The following PTPRT variants were observed in gnomAD, a reference collection of about 807,000 sequenced individuals.
PTPRT encodes receptor-type tyrosine-protein phosphatase T.
In PTPRT, 56 loss-of-function variants were observed where a neutral mutation model predicts 176.8. That is an observed-to-expected ratio of 0.32 (90% CI 0.26 to 0.40). The LOEUF (loss-of-function observed/expected upper bound fraction) is 0.40. PTPRT is among the 10% of genes least tolerant of loss of function. The pLI is 1.00. For missense variants in PTPRT, 1,540 were observed against 1,908.2 expected, an observed-to-expected ratio of 0.81 and a Z score of 3.60; for synonymous variants, 783 against 739.0, an observed-to-expected ratio of 1.06 and a Z score of -0.96.
At chr20:42,177,423 A>G (rs1029953483) in intron 16 of PTPRT, among the ~76,000 whole-genome samples, 2 of 152,312 alleles carry the variant, frequency 1.3e-5, no homozygotes, top group East Asian at 1.9e-4. Flanking sequence ...CAACCAAAAA[A>G]TGCAACTAAT....
intron 1 of PTPRT, among the ~76,000 whole-genome samples, chr20:43,098,107 G>C (rs534313435): frequency 6.6e-6 from 1 of 152,122 alleles, no homozygotes; most frequent in African/African-American, 2.4e-5. Context: ...AGAGCCAGCC[G>C]GCCCAGCCAT....
intron 28 of PTPRT, 76 bp from the exon 29 acceptor site, chr20:42,084,921 C>T (rs1600468325): frequency 1.6e-6 from 2 of 1,258,466 alleles, no homozygotes; most frequent in East Asian, 5.6e-5. Context: ...ACCCCGGGGA[C>T]TGCAGCATCA....
intron 1 of PTPRT, among the ~76,000 whole-genome samples, chr20:43,111,830 C>T (rs747532141): frequency 6.6e-6 from 1 of 152,154 alleles, no homozygotes; most frequent in African/African-American, 2.4e-5. Context: ...CTGGAGTGGG[C>T]AAGTCAGCTT....
At chr20:42,446,045 GA>G (rs1178710183) in intron 9 of PTPRT, among the ~76,000 whole-genome samples, 3 of 152,208 alleles carry the variant, frequency 2.0e-5, no homozygotes, top group Admixed American at 6.5e-5. Context: ...TCTACTAGAG[GA>G]AAAAGTGTAT....
chr20:42,673,409 G>A (rs1028566019), intron 7 of PTPRT, among the ~76,000 whole-genome samples: 4 of 152,156 alleles, frequency 2.6e-5, no homozygotes, highest in East Asian at 3.9e-4. Context: ...TTATTACGTC[G>A]GGGGACAGGT....
At chr20:42,242,103 C>G (rs1194566037) in intron 14 of PTPRT, among the ~76,000 whole-genome samples, 5 of 152,132 alleles carry the variant, frequency 3.3e-5, no homozygotes, top group African/African-American at 1.2e-4. Context: ...GATTGTCTAC[C>G]CAGAAACAAA....
chr20:43,002,907 A>C (rs2146133429), intron 1 of PTPRT, among the ~76,000 whole-genome samples: 1 of 99,592 alleles, frequency 1.0e-5, no homozygotes, highest in South Asian at 2.5e-4. Context: ...CATCAGAATA[A>C]ATAAATCTAA....
chr20:42,172,492 T>C (rs1450227738), intron 16 of PTPRT, among the ~76,000 whole-genome samples: 1 of 152,220 alleles, frequency 6.6e-6, no homozygotes, highest in Non-Finnish European at 1.5e-5. Context: ...CAGGGTCAGC[T>C]GGTAAACACC....
At chr20:42,264,279 C>T (rs2056802362) in intron 13 of PTPRT, among the ~76,000 whole-genome samples, 1 of 152,172 alleles carries the variant, frequency 6.6e-6, no homozygotes, top group African/African-American at 2.4e-5. Context: ...GATGTGACAA[C>T]CCTCTTCTGC....
At chr20:42,351,958 G>A in intron 10 of PTPRT, 126 bp downstream of exon 10, 2 of 815,390 alleles carry the variant, frequency 2.5e-6, no homozygotes, top group Non-Finnish European at 2.0e-6. Flanking sequence ...AACTCACTAG[G>A]GACTGGATCG....
chr20:42,926,246 G>A, intron 1 of PTPRT, among the ~76,000 whole-genome samples: 1 of 152,118 alleles, frequency 6.6e-6, no homozygotes. Flanking sequence ...TTGCTCTGAT[G>A]TCAAGCCTCC....
intron 3 of PTPRT, among the ~76,000 whole-genome samples, chr20:42,788,746 G>A (rs544088134): frequency 6.6e-6 from 1 of 152,344 alleles, no homozygotes; most frequent in South Asian, 2.1e-4. Context: ...AGCAATGGAG[G>A]ATGAGAATGA....
intron 15 of PTPRT, among the ~76,000 whole-genome samples, chr20:42,233,702 G>A (rs1293908897): frequency 6.6e-6 from 1 of 152,164 alleles, no homozygotes; most frequent in Non-Finnish European, 1.5e-5. Flanking sequence ...ATAGAAGGCA[G>A]GCTATTTGCA....
At chr20:42,422,426 C>A (rs564234179) in intron 9 of PTPRT, among the ~76,000 whole-genome samples, 4 of 152,066 alleles carry the variant, frequency 2.6e-5, no homozygotes, top group African/African-American at 9.7e-5. Flanking sequence ...AGACAACAGG[C>A]GGCAAACAAA....
chr20:42,871,188 G>A (rs1043251211), intron 2 of PTPRT, among the ~76,000 whole-genome samples: 2 of 151,830 alleles, frequency 1.3e-5, no homozygotes, highest in Admixed American at 1.3e-4. Context: ...CTGACCTCAG[G>A]TGATCTGCCC....
intron 7 of PTPRT, among the ~76,000 whole-genome samples, chr20:42,645,310 T>G (rs1017349303): frequency 1.3e-5 from 2 of 152,134 alleles, no homozygotes; most frequent in Admixed American, 1.3e-4. Flanking sequence ...AAGTTAACAC[T>G]CCATGAGCGA....
chr20:43,017,887 G>A (rs1351257938), intron 1 of PTPRT, among the ~76,000 whole-genome samples: 1 of 152,238 alleles, frequency 6.6e-6, no homozygotes, highest in East Asian at 1.9e-4. Flanking sequence ...GCAGGAGCTG[G>A]AGGTGCTGCA....
At chr20:42,279,981 G>A (rs1192923395) in intron 13 of PTPRT, among the ~76,000 whole-genome samples, 4 of 148,284 alleles carry the variant, frequency 2.7e-5, no homozygotes, top group Non-Finnish European at 6.0e-5. Flanking sequence ...ACAGAGAGAG[G>A]GAAGAGCCTT....
the PTPRT span, among the ~76,000 whole-genome samples, chr20:42,048,067 G>C: frequency 1.3e-5 from 2 of 152,194 alleles, no homozygotes; most frequent in African/African-American, 2.4e-5. Flanking sequence ...TTCATAGGTT[G>C]AATTTCAGAG....
Sources: allele counts gnomAD v4.1 joint callset (sites outside exome capture counted in the v4.1 genomes callset), GRCh38; gene constraint gnomAD v4.1.1; transcripts MANE v1.5; gene names NCBI Gene and HGNC (gene_info 2026-07-23, HGNC 2026-07-21).